PP2D1: variants seen among roughly 807,000 people sequenced by gnomAD.
PP2D1 encodes the protein protein phosphatase 2C like domain containing 1, also known as protein phosphatase 2C-like domain-containing protein 1.
A neutral mutation model predicts 30.2 loss-of-function variants in PP2D1; 25 were observed. The observed-to-expected ratio is 0.83, with a 90% CI of 0.60 to 1.16. PP2D1 has a LOEUF of 1.16. Among genes scored for constraint, PP2D1 ranks in the 50% most tolerant of loss-of-function variants. The pLI is 0.00. For missense variants in PP2D1, 760 were observed against 742.4 expected, an observed-to-expected ratio of 1.02 and a Z score of -0.28; for synonymous variants, 260 against 258.9, an observed-to-expected ratio of 1.00 and a Z score of -0.04.
At chr3:20,011,467 A>ATTGCATCTTATGT in intron 1 of PP2D1, among the ~76,000 whole-genome samples, 1 of 152,116 alleles carries the variant, frequency 6.6e-6, no homozygotes, top group Non-Finnish European at 1.5e-5. Context: ...CATTCTTAGA[A>ATTGCATCTTATGT]TGTATTGCAT....
At position 20,001,461 on chromosome 3, in the gene PP2D1, G is replaced by GC; in HGVS notation, c.658_659insG (p.Ser220CysfsTer16). ...GAGAAGTAAAACTGGGAGTTCCATT[G>GC]ATGTCAACTCTGCCGCTGAGGCACC... On this transcript the variant is annotated frameshift_variant, in exon 2 of 3. Coordinates refer to ENST00000389050, the MANE Select transcript of PP2D1 (RefSeq NM_001252657.2). LOFTEE classifies it high-confidence loss of function. 1.3e-6 allele frequency: 2 copies of GC among 1,536,434 alleles called. No individual in the cohort carries two copies. Among genetic ancestry groups the GC allele is most frequent in the Non-Finnish European group, 1.7e-6 (2 of 1,146,964 alleles).
intron 1 of PP2D1, among the ~76,000 whole-genome samples, chr3:20,011,552 ACT>A (rs1283877464): frequency 6.6e-6 from 1 of 152,146 alleles, no homozygotes; most frequent in African/African-American, 2.4e-5. Flanking sequence ...TAATCTCAGC[ACT>A]TTGGGAGGCT....
At chr3:20,004,942 A>G (rs1033704423) in intron 1 of PP2D1, among the ~76,000 whole-genome samples, 2 of 151,932 alleles carry the variant, frequency 1.3e-5, no homozygotes, top group African/African-American at 2.4e-5. Flanking sequence ...CCTCGTCTCT[A>G]TTAACAATTA....
chr3:20,003,395 T>TTTA (rs1198445249), intron 1 of PP2D1, among the ~76,000 whole-genome samples: 2 of 150,404 alleles, frequency 1.3e-5, no homozygotes, highest in African/African-American at 4.9e-5. Context: ...TTTTTTTTTT[T>TTTA]AAAAAAAAGG....
rs34466477 is a variant in PP2D1, at chr3:19,990,753, A to ATT, written c.1091-4573_1091-4572dup. The stretch of plus-strand genomic sequence containing the variant: ...CATGAAGATGGGAAATTAGAGGAAG[A>ATT]TTTTTTTTTTTTTTTTTGCGGAGTC... On this transcript the variant is annotated intron_variant, in intron 2 of 2. Coordinates refer to ENST00000389050, the MANE Select transcript of PP2D1 (RefSeq NM_001252657.2). Among the ~76,000 whole-genome samples, 401 of 140,040 alleles carry ATT rather than the reference A, an allele frequency of 2.9e-3. 2 individuals carry two copies. The highest frequency in any genetic ancestry group is 4.7e-3 in the African/African-American group (178 of 37,802). 91.9% of individuals were successfully genotyped at this position (140,040 alleles called of 152,430 possible).
intron 1 of PP2D1, among the ~76,000 whole-genome samples, chr3:20,002,704 G>A (rs955224577): frequency 2.0e-5 from 3 of 152,156 alleles, no homozygotes; most frequent in African/African-American, 7.2e-5. Flanking sequence ...CGGATCACTT[G>A]AGGTCAGGAG....
At chr3:20,005,463 T>C (rs377009002) in intron 1 of PP2D1, among the ~76,000 whole-genome samples, 4 of 152,306 alleles carry the variant, frequency 2.6e-5, no homozygotes, top group East Asian at 3.9e-4. Context: ...TAAATATTTA[T>C]GAAATGTGAC....
chr3:20,006,131 A>G (rs950659772), intron 1 of PP2D1, among the ~76,000 whole-genome samples: 2 of 152,018 alleles, frequency 1.3e-5, no homozygotes, highest in Non-Finnish European at 2.9e-5. Flanking sequence ...CTGTAATCTC[A>G]GCTACTCGGG....
downstream of PP2D1, among the ~76,000 whole-genome samples, chr3:19,983,371 TAATG>T (rs1696969596): frequency 7.4e-6 from 1 of 134,734 alleles, no homozygotes. Flanking sequence ...AAAGAAGTAA[TAATG>T]AGTATAAAAT....
rs1697259595 is a variant in PP2D1, at chr3:20,001,896, A to C, written c.224T>G (p.Leu75Arg). 1.3e-6 allele frequency: 2 copies of C among 1,536,342 alleles called. No individual in the cohort carries two copies. Among genetic ancestry groups the C allele is most frequent in the Non-Finnish European group, 8.7e-7 (1 of 1,146,968 alleles). Residue 75 changes from leucine to arginine, a missense_variant, in exon 2 of 3, where the codon CTA becomes CGA. By Grantham distance (102) the Leu-to-Arg change is moderately radical. Around this residue, in one of 3 missense-constraint regions of PP2D1, gnomAD observed 374 missense variants for 388.8 expected, o/e 0.96. Coordinates refer to ENST00000389050, the MANE Select transcript of PP2D1 (RefSeq NM_001252657.2). Reference protein sequence around the residue: ...PCSICKHEIDLTGIFLHKKQH... With the variant: ...PCSICKHEIDRTGIFLHKKQH... ...CTTCTTATGGAGAAAAATACCAGTT[A>C]GGTCAATTTCGTGCTTGCATATGGA...
chr3:19,983,308 C>T (rs1387382575), downstream of PP2D1, among the ~76,000 whole-genome samples: 2 of 139,488 alleles, frequency 1.4e-5, no homozygotes, highest in Non-Finnish European at 3.0e-5. Context: ...TGCACTCCAG[C>T]CTAGGTGAGC....
intron 1 of PP2D1, chr3:20,007,951 C>A: frequency 4.5e-6 from 1 of 223,318 alleles, no homozygotes; most frequent in South Asian, 8.0e-5. Flanking sequence ...GTGGCGCTGC[C>A]AATCTCCTTA....
chr3:19,999,159 A>G (rs1178879559), intron 2 of PP2D1, among the ~76,000 whole-genome samples: 1 of 145,676 alleles, frequency 6.9e-6, no homozygotes, highest in Non-Finnish European at 1.5e-5. Context: ...AGCTCACTGC[A>G]ACCTCCGCCT....
chr3:19,980,466 T>G (rs1696903476), downstream of PP2D1, among the ~76,000 whole-genome samples: 2 of 152,068 alleles, frequency 1.3e-5, no homozygotes, highest in South Asian at 4.1e-4. Context: ...TTTTTTTTTT[T>G]GTTATGAAGG....
intron 2 of PP2D1, among the ~76,000 whole-genome samples, chr3:20,000,134 T>C (rs76179504): frequency 0.012 from 1,813 of 152,316 alleles, 32 homozygotes; most frequent in African/African-American, 0.039. Context: ...AGAGGTAACA[T>C]GATATGGTAG....
chr3:19,990,355 G>A (rs902748783), intron 2 of PP2D1, among the ~76,000 whole-genome samples: 32 of 152,152 alleles, frequency 2.1e-4, no homozygotes, highest in African/African-American at 7.5e-4. Context: ...TATGTTGCCC[G>A]GGCTGGTCTC....
At chr3:19,993,810 G>A (rs1442537011) in intron 2 of PP2D1, among the ~76,000 whole-genome samples, 3 of 152,066 alleles carry the variant, frequency 2.0e-5, no homozygotes, top group African/African-American at 4.8e-5. Context: ...TGCGATCTCA[G>A]CTCACTGCAA....
chr3:19,996,782 C>A (rs1697185055), intron 2 of PP2D1: 1 of 151,832 alleles, frequency 6.6e-6, no homozygotes, highest in Non-Finnish European at 1.5e-5. Flanking sequence ...GGATGGTTCA[C>A]ACAGAAATCA....
At chr3:19,992,780 G>T (rs1353575078) in intron 2 of PP2D1, among the ~76,000 whole-genome samples, 1 of 152,190 alleles carries the variant, frequency 6.6e-6, no homozygotes, top group South Asian at 2.1e-4. Flanking sequence ...TATTAAAAAT[G>T]TGATTATCCT....
Sources: gnomAD v4.1 joint callset for allele counts (sites outside exome capture counted in the v4.1 genomes callset) on GRCh38, gnomAD v4.1.1 for gene constraint, gnomAD v4.1.1 regional missense constraint, MANE v1.5 for transcripts, NCBI Gene and HGNC (gene_info 2026-07-23, HGNC 2026-07-21) for gene names.